Variants in ACAN observed in about 807,000 individuals in gnomAD.
The protein encoded by ACAN is aggrecan core protein.
In ACAN, 47 loss-of-function variants were observed where a neutral mutation model predicts 169.1. The ratio of observed to expected loss-of-function variants is 0.28; its 90% CI spans 0.22 to 0.35. ACAN has a LOEUF of 0.35. Ranked by LOEUF, ACAN falls within the 10% of genes least tolerant of loss-of-function variation. The probability of loss-of-function intolerance (pLI) is 1.00; values close to 1 mark genes in which losing one functional copy is unlikely to be tolerated. For synonymous variants in ACAN, 1,115 were observed against 1,112.2 expected (o/e 1.00, Z -0.05); for missense variants, 2,716 against 2,759.9 (o/e 0.98, Z 0.36).
At chr15:88,852,102 G>A in intron 11 of ACAN, 69 bp downstream of exon 11, 1 of 1,521,504 alleles carries the variant, frequency 6.6e-7, no homozygotes, top group Non-Finnish European at 8.9e-7. Context: ...AGTGTGCCTG[G>A]TGGGGCGGGG....
chr15:88,846,452 A>C (rs80122924), intron 7 of ACAN, among the ~76,000 whole-genome samples: 94 of 152,358 alleles, frequency 6.2e-4, no homozygotes, highest in African/African-American at 2.3e-3. Flanking sequence ...ATAAAATTCA[A>C]ATTTCAATGT....
At chr15:88,818,576 A>G (rs1325795417) in intron 1 of ACAN, among the ~76,000 whole-genome samples, 3 of 152,200 alleles carry the variant, frequency 2.0e-5, no homozygotes, top group Non-Finnish European at 4.4e-5. Context: ...TTTATTTCTC[A>G]TACGATATGG....
In ACAN at chr15:88,871,888, T is replaced by C; in HGVS notation, c.7220-115T>C. 1.0e-6 allele frequency: 1 copy of C among 977,306 alleles called. No homozygotes were observed. 60.5% of individuals were successfully genotyped at this position (977,306 alleles called of 1,614,324 possible). A position where few individuals can be genotyped will look rare whatever the true frequency, so the allele number is the denominator to read the frequency against. On this transcript the variant is annotated intron_variant, in intron 15 of 18. Transcript: ENST00000560601. This position sits in a 1 kb window ranked among gnomAD's most constrained non-coding sequence, Gnocchi z 7.8. ...ACCTGAGAAGCACGTGCCTTGCTCC[T>C]AGGAGCCCACCCACCTCCTTTCCTC... is the stretch of plus-strand genomic sequence containing the variant.
At chr15:88,825,058 C>T (rs1399308458) in intron 1 of ACAN, among the ~76,000 whole-genome samples, 1 of 152,092 alleles carries the variant, frequency 6.6e-6, no homozygotes, top group East Asian at 1.9e-4. Flanking sequence ...AAGCACAAAA[C>T]CCTTAGGACA....
At position 88,838,259 on chromosome 15, in the gene ACAN, C is replaced by A. The variant is rs1896556294; in HGVS notation, c.71-404C>A. Among the ~76,000 whole-genome samples the A allele has an allele frequency of 1.3e-5, 2 of 151,740 alleles. No homozygotes were observed. The highest frequency in any genetic ancestry group is 4.9e-5 in the African/African-American group (2 of 41,236). On this transcript the variant is annotated intron_variant, in intron 2 of 18. Coordinates refer to ENST00000560601, the MANE Select transcript of ACAN (RefSeq NM_001369268.1). This position sits in a 1 kb window ranked among gnomAD's most constrained non-coding sequence, Gnocchi z 5.1. ...TGTGTAGATTACTTTTCTACCCCAACATAATTTTTCCCAAAATCTTTGAGT... is the reference window on the plus strand; with the variant it reads ...TGTGTAGATTACTTTTCTACCCCAAAATAATTTTTCCCAAAATCTTTGAGT...
chr15:88,872,828 C>A lies in ACAN; in HGVS notation c.7303-53C>A. On this transcript the variant is annotated intron_variant, in intron 16 of 18. Transcript: ENST00000560601. The surrounding 1 kb of genome is among the most constrained non-coding windows in gnomAD (Gnocchi z 5.4). ...CCACGGGGAAGACAGTCGGAGCAGG[C>A]CAACCCGCACTGTCCTGCCCTCTCC... 1 of 1,591,016 alleles carries A rather than the reference C, an allele frequency of 6.3e-7. No homozygotes were observed. Among genetic ancestry groups the A allele is most frequent in the East Asian group, 2.2e-5 (1 of 44,542 alleles).
At chr15:88,823,170 C>G (rs1896121596) in intron 1 of ACAN, among the ~76,000 whole-genome samples, 1 of 152,204 alleles carries the variant, frequency 6.6e-6, no homozygotes, top group Admixed American at 6.5e-5. Flanking sequence ...CTCTGTCCTG[C>G]AGGGTTGGCA....
intron 1 of ACAN, among the ~76,000 whole-genome samples, chr15:88,804,096 A>G (rs11632435): frequency 0.091 from 13,805 of 152,212 alleles, 702 homozygotes; most frequent in Middle Eastern, 0.15. Context: ...TTCTCCAAAC[A>G]CCTAGGTGAT....
At chr15:88,827,337 TG>T (rs76541355) in intron 1 of ACAN, among the ~76,000 whole-genome samples, 1 of 152,188 alleles carries the variant, frequency 6.6e-6, no homozygotes, top group Non-Finnish European at 1.5e-5. Flanking sequence ...CTAAAATAGT[TG>T]GTGGGGTGGG....
At chr15:88,863,937 C>T (rs939283918) in intron 13 of ACAN, among the ~76,000 whole-genome samples, 5 of 152,126 alleles carry the variant, frequency 3.3e-5, no homozygotes, top group Admixed American at 2.0e-4. Flanking sequence ...TTTGGGAGGC[C>T]GAGGCAGGAG....
intron 1 of ACAN, among the ~76,000 whole-genome samples, chr15:88,813,182 T>A (rs1318736281): frequency 6.6e-6 from 1 of 152,244 alleles, no homozygotes; most frequent in Non-Finnish European, 1.5e-5. Context: ...GAAAAGTTTG[T>A]TGGCTGGACA....
intron 1 of ACAN, among the ~76,000 whole-genome samples, chr15:88,825,653 G>A (rs1428601557): frequency 1.6e-4 from 24 of 152,200 alleles, no homozygotes; most frequent in Admixed American, 1.2e-3. Context: ...ACAGGTCCAA[G>A]TCAAAGAGGT....
intron 1 of ACAN, among the ~76,000 whole-genome samples, chr15:88,822,469 GTTT>G (rs11352043): frequency 1.4e-5 from 2 of 146,280 alleles, no homozygotes; most frequent in Non-Finnish European, 3.0e-5. Flanking sequence ...CTAACTACAT[GTTT>G]TTTTTTTTTT....
chr15:88,852,912 C>G (rs1410286397), intron 11 of ACAN, among the ~76,000 whole-genome samples: 1 of 152,230 alleles, frequency 6.6e-6, no homozygotes, highest in Non-Finnish European at 1.5e-5. Context: ...CGAGCTCCCA[C>G]TAACTCATCC....
At chr15:88,836,100 T>C in intron 1 of ACAN, 100 bp from the exon 2 acceptor site, 1 of 797,866 alleles carries the variant, frequency 1.3e-6, no homozygotes, top group Non-Finnish European at 2.1e-6. Flanking sequence ...TCCAGGTCCT[T>C]GGGTGTGGAA....
In ACAN at chr15:88,855,224, T is replaced by A. The variant is rs775794880; in HGVS notation, c.2639T>A (p.Leu880His). ...FTGSGDVSGH[L>H]DFSGQLSGDR... is the part of the protein sequence containing the mutation. ...GGCAGTGGAGATGTTTCAGGACACC[T>A]TGACTTCAGTGGGCAGCTGTCAGGG... Residue 880 changes from leucine to histidine, a missense_variant, in exon 12 of 19, where the codon CTT becomes CAT. Coordinates refer to ENST00000560601, the MANE Select transcript of ACAN (RefSeq NM_001369268.1). 1.9e-6 allele frequency: 3 copies of A among 1,604,398 alleles called. No individual in the cohort carries two copies. The Admixed American group carries it at 5.0e-5, about 27-fold the overall frequency.
At position 88,858,231 on chromosome 15, in the gene ACAN, C is replaced by T. The variant is rs779115729; in HGVS notation, c.5646C>T (p.Val1882=). The stretch of plus-strand genomic sequence containing the variant: ...TCAGTGGACAGTTTTCTGGAACAGT[C>T]GATTCCAGTGGGTTTACATCCCAGA... ...VDVSGQFSGT[V]DSSGFTSQTP... Residue 1882 remains valine (V), a synonymous_variant, in exon 12 of 19, where the codon GTC becomes GTT. Coordinates refer to ENST00000560601, the MANE Select transcript of ACAN (RefSeq NM_001369268.1). The surrounding 1 kb of genome is among the most constrained non-coding windows in gnomAD (Gnocchi z 4.0). 7.4e-6 allele frequency: 12 copies of T among 1,613,686 alleles called. No homozygotes were observed. The African/African-American group carries it at 8.0e-5, about 11-fold the overall frequency.
chr15:88,870,972 C>T lies in ACAN; in HGVS notation c.7061-410C>T, dbSNP rs1461966903. ...TCCACTGCCTCCACACACTTCCCCA[C>T]AGCTCCACTCCCTCTCTCCCTGGAG... On this transcript the variant is annotated intron_variant, in intron 14 of 18. Coordinates refer to ENST00000560601, the MANE Select transcript of ACAN (RefSeq NM_001369268.1). This position sits in a 1 kb window ranked among gnomAD's most constrained non-coding sequence, Gnocchi z 6.3. 2.0e-5 allele frequency among the ~76,000 whole-genome samples: 3 copies of T among 152,342 alleles called. No individual in the cohort carries two copies. The highest frequency in any genetic ancestry group is 4.1e-4 in the South Asian group (2 of 4,826).
chr15:88,874,400 C>T lies in ACAN; in HGVS notation c.7631-5C>T, dbSNP rs747813182. On this transcript the variant is annotated splice_region_variant and splice_polypyrimidine_tract_variant and intron_variant, in intron 18 of 18. Coordinates refer to ENST00000560601, the MANE Select transcript of ACAN (RefSeq NM_001369268.1). The surrounding 1 kb of genome is among the most constrained non-coding windows in gnomAD (Gnocchi z 7.3). ...TGATATCTTTCCATCTCCCTTTCGT[C>T]CTAGCCACCACCTACAAACGCAGAC... 2 of 1,600,532 alleles carry T rather than the reference C, an allele frequency of 1.2e-6. No individual in the cohort carries two copies. The highest frequency in any genetic ancestry group is 1.7e-6 in the Non-Finnish European group (2 of 1,173,906).
Sources: gnomAD v4.1 joint callset for allele counts (sites outside exome capture counted in the v4.1 genomes callset) on GRCh38, gnomAD v4.1.1 for gene constraint, Gnocchi (gnomAD v3.1) non-coding constraint, MANE v1.5 for transcripts, NCBI Gene and HGNC (gene_info 2026-07-23, HGNC 2026-07-21) for gene names.